Variants in PTPRT observed in about 807,000 individuals in gnomAD.
PTPRT encodes the protein protein tyrosine phosphatase receptor type T, also known as receptor-type tyrosine-protein phosphatase T.
A neutral mutation model predicts 176.8 loss-of-function variants in PTPRT; 56 were observed. That is an observed-to-expected ratio of 0.32 (90% confidence interval 0.26 to 0.40). The LOEUF (loss-of-function observed/expected upper bound fraction) is 0.40. PTPRT is among the 10% of genes least tolerant of loss of function. PTPRT has a pLI of 1.00. For synonymous variants in PTPRT, 783 were observed against 739.0 expected, an observed-to-expected ratio of 1.06 and a Z score of -0.96; for missense variants, 1,540 against 1,908.2, an observed-to-expected ratio of 0.81 and a Z score of 3.60.
At chr20:42,155,908 G>A (rs770613206) in intron 17 of PTPRT, among the ~76,000 whole-genome samples, 4 of 152,136 alleles carry the variant, frequency 2.6e-5, no homozygotes, top group East Asian at 3.9e-4. Context: ...TGCTCTCTTC[G>A]ATGGCTCCAG....
intron 9 of PTPRT, among the ~76,000 whole-genome samples, chr20:42,408,349 T>C (rs2058980701): frequency 6.6e-6 from 1 of 152,124 alleles, no homozygotes; most frequent in Admixed American, 6.6e-5. Flanking sequence ...ATATAGTAAG[T>C]GACAAATATG....
chr20:42,113,933 G>A (rs6513766), intron 22 of PTPRT, among the ~76,000 whole-genome samples: 3,393 of 152,260 alleles, frequency 0.022, 126 homozygotes, highest in African/African-American at 0.078. Flanking sequence ...GGGTTGGAGG[G>A]GGAGCTTCCG....
chr20:42,931,981 G>C (rs1979881804), intron 1 of PTPRT, among the ~76,000 whole-genome samples: 1 of 152,214 alleles, frequency 6.6e-6, no homozygotes, highest in African/African-American at 2.4e-5. Context: ...GCACATGCAG[G>C]CTGGAAACCA....
At chr20:42,306,783 C>A (rs888108689) in intron 12 of PTPRT, among the ~76,000 whole-genome samples, 3 of 152,132 alleles carry the variant, frequency 2.0e-5, no homozygotes, top group Admixed American at 2.0e-4. Context: ...TCAGGCATTT[C>A]TTTACCATTC....
rs542172932 is a variant in PTPRT, at chr20:43,088,012, C to T, written c.88+101634G>A. 5.9e-5 allele frequency among the ~76,000 whole-genome samples: 9 copies of T among 152,032 alleles called. No individual in the cohort carries two copies. In the South Asian group the frequency reaches 1.7e-3, roughly 28 times the overall value. On this transcript the variant is annotated intron_variant, in intron 1 of 30. Transcript: ENST00000373187. ...GTACTTAACTAAAATATTCTAGTTT[C>T]GAAGAGTTAGAAGGAGGATACGGAA...
At chr20:42,241,530 G>C (rs2056353923) in intron 14 of PTPRT, among the ~76,000 whole-genome samples, 1 of 152,132 alleles carries the variant, frequency 6.6e-6, no homozygotes, top group South Asian at 2.1e-4. Context: ...GTCAAAGGCA[G>C]AGTGAATGTG....
intron 29 of PTPRT, 122 bp from the exon 30 acceptor site, chr20:42,082,139 G>A (rs1983394305): frequency 1.4e-6 from 2 of 1,401,298 alleles, no homozygotes; most frequent in Non-Finnish European, 2.0e-6. Flanking sequence ...CAAGGCAATG[G>A]TGAAGGCTTT....
intron 6 of PTPRT, among the ~76,000 whole-genome samples, chr20:42,720,050 A>G (rs1449337811): frequency 6.6e-6 from 1 of 152,220 alleles, no homozygotes; most frequent in Non-Finnish European, 1.5e-5. Context: ...AGTTTCATTT[A>G]ACTCACTTAC....
chr20:42,555,415 A>G (rs2072842844), intron 7 of PTPRT, among the ~76,000 whole-genome samples: 2 of 152,200 alleles, frequency 1.3e-5, no homozygotes, highest in Non-Finnish European at 2.9e-5. Flanking sequence ...AGTAAACCAT[A>G]CAGAACGATA....
the PTPRT span, among the ~76,000 whole-genome samples, chr20:42,035,755 T>C: frequency 6.6e-6 from 1 of 152,142 alleles, no homozygotes; most frequent in African/African-American, 2.4e-5. Flanking sequence ...TCAGTAAAAA[T>C]TGATAGTGCT....
intron 6 of PTPRT, among the ~76,000 whole-genome samples, chr20:42,705,184 A>C (rs1698732841): frequency 6.6e-6 from 1 of 152,148 alleles, no homozygotes; most frequent in African/African-American, 2.4e-5. Flanking sequence ...CAGCATGGGC[A>C]AAAAGAGTGA....
intron 6 of PTPRT, among the ~76,000 whole-genome samples, chr20:42,734,696 T>A (rs2146274003): frequency 6.6e-6 from 1 of 152,342 alleles, no homozygotes; most frequent in African/African-American, 2.4e-5. Context: ...CGCAGATACT[T>A]GTTTCTTGTT....
intron 13 of PTPRT, among the ~76,000 whole-genome samples, chr20:42,268,521 C>T (rs577490401): frequency 1.6e-4 from 24 of 152,294 alleles, no homozygotes; most frequent in African/African-American, 5.3e-4. Context: ...TGTCCATCTG[C>T]AACTCCCACC....
chr20:42,600,138 T>TTTTTG lies in PTPRT; in HGVS notation c.1153+77723_1153+77727dup, dbSNP rs1191456936. On this transcript the variant is annotated intron_variant, in intron 7 of 30. Transcript: ENST00000373187. ...TTTGGTTTTTGTTGTTGTTGTTATT[T>TTTTTG]TTTTGTTTTGTTTTGTTTTGAGATG... Among the ~76,000 whole-genome samples the TTTTTG allele has an allele frequency of 3.9e-5, 6 of 152,140 alleles. No homozygotes were observed. In the East Asian group the frequency reaches 5.8e-4, roughly 15 times the overall value.
At chr20:42,927,607 G>A (rs1201842904) in intron 1 of PTPRT, among the ~76,000 whole-genome samples, 1 of 151,968 alleles carries the variant, frequency 6.6e-6, no homozygotes, top group East Asian at 1.9e-4. Flanking sequence ...AAAGGGAAAG[G>A]GAAGGGGAAG....
chr20:42,766,116 G>T (rs528967952), intron 5 of PTPRT, among the ~76,000 whole-genome samples: 6 of 152,274 alleles, frequency 3.9e-5, no homozygotes, highest in African/African-American at 1.4e-4. Context: ...CCACCTAGTT[G>T]TATCCTGAAT....
intron 17 of PTPRT, among the ~76,000 whole-genome samples, chr20:42,156,283 G>C (rs1227877204): frequency 3.3e-5 from 5 of 152,126 alleles, no homozygotes; most frequent in African/African-American, 1.2e-4. Context: ...CTCAGAATAG[G>C]CTCTACATTC....
chr20:42,513,062 G>T (rs969863385), intron 7 of PTPRT, among the ~76,000 whole-genome samples: 2 of 152,062 alleles, frequency 1.3e-5, no homozygotes, highest in Non-Finnish European at 1.5e-5. Context: ...GTTTCACCAT[G>T]TTGGCCAGGC....
intron 6 of PTPRT, among the ~76,000 whole-genome samples, chr20:42,714,697 T>C (rs1385130018): frequency 6.6e-6 from 1 of 152,164 alleles, no homozygotes; most frequent in Non-Finnish European, 1.5e-5. Context: ...CTCATGTTTG[T>C]CTTGGCTTTC....
Sources: gnomAD v4.1 joint callset for allele counts (sites outside exome capture counted in the v4.1 genomes callset) on GRCh38, gnomAD v4.1.1 for gene constraint, MANE v1.5 for transcripts, NCBI Gene and HGNC (gene_info 2026-07-23, HGNC 2026-07-21) for gene names.